Variants in USP45 observed in about 807,000 individuals in gnomAD.
USP45 encodes the protein ubiquitin carboxyl-terminal hydrolase 45.
A neutral mutation model predicts 95.8 loss-of-function variants in USP45; 89 were observed. The ratio of observed to expected loss-of-function variants is 0.93; its 90% CI spans 0.78 to 1.11. USP45 has a LOEUF of 1.11. Among genes scored for constraint, USP45 ranks in the 50% least tolerant of loss-of-function variants. USP45 has a pLI of 0.00. For missense variants in USP45, 898 were observed against 942.5 expected, an observed-to-expected ratio of 0.95 and a Z score of 0.62; for synonymous variants, 281 against 316.2, an observed-to-expected ratio of 0.89 and a Z score of 1.18.
chr6:99,495,161 G>A (rs1796033905), intron 5 of USP45, among the ~76,000 whole-genome samples: 1 of 152,154 alleles, frequency 6.6e-6, no homozygotes, highest in South Asian at 2.1e-4. Flanking sequence ...AAGCTTTCTT[G>A]AGGGCAGTTT....
intron 4 of USP45, among the ~76,000 whole-genome samples, chr6:99,507,192 G>A (rs1035637476): frequency 2.0e-5 from 3 of 152,184 alleles, no homozygotes; most frequent in Non-Finnish European, 2.9e-5. Flanking sequence ...TGGCGACAGA[G>A]TGAGACTCTG....
intron 4 of USP45, among the ~76,000 whole-genome samples, chr6:99,507,083 T>C (rs1412919911): frequency 3.3e-5 from 5 of 152,190 alleles, no homozygotes; most frequent in Non-Finnish European, 5.9e-5. Flanking sequence ...GGCATGCGCC[T>C]GTGGTCCCAG....
At chr6:99,465,338 T>G (rs1428148802) in intron 11 of USP45, among the ~76,000 whole-genome samples, 1 of 152,144 alleles carries the variant, frequency 6.6e-6, no homozygotes, top group African/African-American at 2.4e-5. Flanking sequence ...TGAATGGTGA[T>G]CCAATTGAAT....
intron 13 of USP45, among the ~76,000 whole-genome samples, chr6:99,449,214 T>C (rs1015271961): frequency 2.6e-5 from 4 of 152,150 alleles, no homozygotes; most frequent in African/African-American, 9.7e-5. Flanking sequence ...AATTAAAAGA[T>C]ACAGACTGAA....
At chr6:99,460,958 TTATAA>T (rs1786297855) in intron 13 of USP45, 1 of 985,118 alleles carries the variant, frequency 1.0e-6, no homozygotes, top group Admixed American at 6.1e-5. Context: ...GATTCTGGTC[TTATAA>T]TTGAATTTAA....
intron 8 of USP45, among the ~76,000 whole-genome samples, chr6:99,482,004 A>G (rs148133122): frequency 1.4e-3 from 208 of 152,346 alleles, no homozygotes; most frequent in African/African-American, 4.4e-3. Flanking sequence ...TATATTTAAA[A>G]TATCATGGCA....
chr6:99,508,544 A>C lies in USP45; in HGVS notation c.273+66T>G, dbSNP rs960828375. On this transcript the variant is annotated intron_variant, in intron 3 of 17. Coordinates refer to ENST00000500704, the MANE Select transcript of USP45 (RefSeq NM_001346022.3). ...AACTCCTATGCATGACCAACAGTCC[A>C]ACTCACAATAAGCATTTAAGGAAAA... The C allele has an allele frequency of 2.7e-6, 4 of 1,477,906 alleles. No homozygotes were observed. In the African/African-American group the frequency reaches 5.6e-5, roughly 21 times the overall value. 91.5% of individuals were successfully genotyped at this position (1,477,906 alleles called of 1,614,324 possible).
intron 13 of USP45, among the ~76,000 whole-genome samples, chr6:99,450,223 C>G (rs916835575): frequency 5.3e-5 from 8 of 152,050 alleles, no homozygotes; most frequent in Admixed American, 1.3e-4. Flanking sequence ...AAAAACCCTT[C>G]AAAAAATCAA....
At chr6:99,509,476 T>A (rs1799288320) in intron 2 of USP45, among the ~76,000 whole-genome samples, 1 of 152,044 alleles carries the variant, frequency 6.6e-6, no homozygotes, top group Non-Finnish European at 1.5e-5. Flanking sequence ...ATTAAAAATA[T>A]CCCTTTAAAT....
intron 5 of USP45, among the ~76,000 whole-genome samples, chr6:99,499,717 T>C (rs912035443): frequency 6.6e-6 from 1 of 152,226 alleles, no homozygotes. Flanking sequence ...TTAAGGCTTA[T>C]ATTAGTGCTT....
Position 99,488,793 on chromosome 6 carries a change from CAA to C in USP45, c.504_505del (p.Cys169Ter), listed in dbSNP as rs1010677579. On this transcript the variant is annotated frameshift_variant, in exon 6 of 18. Transcript: ENST00000500704. LOFTEE classifies it high-confidence loss of function. ...TTCATCTGTTTCACATTTTTCTTCA[CAA>C]AGTTTCATGATTCTAGAAAATGCAC... 5 of 1,595,800 alleles carry C rather than the reference CAA, an allele frequency of 3.1e-6. No homozygotes were observed. The highest frequency in any genetic ancestry group is 3.5e-5 in the Admixed American group (2 of 56,570).
chr6:99,461,752 A>C (rs1418855573), intron 13 of USP45: 2 of 984,790 alleles, frequency 2.0e-6, no homozygotes, highest in Non-Finnish European at 2.4e-6. Flanking sequence ...TTGTGCCTCT[A>C]GTATAATTTT....
chr6:99,473,429 C>T (rs1349291617), intron 9 of USP45, among the ~76,000 whole-genome samples: 1 of 151,936 alleles, frequency 6.6e-6, no homozygotes, highest in Non-Finnish European at 1.5e-5. Flanking sequence ...TGTCTGTAAT[C>T]CCAGCTATTC....
At chr6:99,459,729 T>C (rs1376812471) in intron 13 of USP45, among the ~76,000 whole-genome samples, 1 of 152,140 alleles carries the variant, frequency 6.6e-6, no homozygotes, top group Non-Finnish European at 1.5e-5. Context: ...CCCTAATGAT[T>C]AGTGATGCTG....
At chr6:99,453,689 T>A (rs1305812088) in intron 13 of USP45, among the ~76,000 whole-genome samples, 1 of 152,230 alleles carries the variant, frequency 6.6e-6, no homozygotes, top group Non-Finnish European at 1.5e-5. Context: ...CTGGGTACAG[T>A]GGCTCATGCC....
At chr6:99,516,092 C>T (rs562551019), upstream of USP45, among the ~76,000 whole-genome samples, 228 of 152,148 alleles carry the variant, frequency 1.5e-3, 2 homozygotes, top group African/African-American at 5.4e-3. Context: ...CCCACACCCC[C>T]GCCGCCCCCT....
intron 1 of USP45, among the ~76,000 whole-genome samples, chr6:99,511,377 T>C (rs910059295): frequency 5.3e-5 from 8 of 151,866 alleles, no homozygotes; most frequent in African/African-American, 1.9e-4. Flanking sequence ...ATGGTCTCGA[T>C]CTCCTGACCT....
Position 99,433,550 on chromosome 6 carries a change from A to T in USP45, c.*2166T>A, listed in dbSNP as rs769946059. 9 of 152,498 alleles carry T rather than the reference A, an allele frequency of 5.9e-5. No homozygotes were observed. The highest frequency in any genetic ancestry group is 1.0e-4 in the Non-Finnish European group (7 of 68,036). The allele number at this position is 152,498 out of a possible 1,614,324, so 9.4% of individuals were successfully genotyped here. On this transcript the variant is annotated 3_prime_UTR_variant, in exon 18 of 18. Transcript: ENST00000500704. Reference sequence around the variant, plus strand: ...AGCTATCTTTAGGAAATTCTTAAGTATCAAAAATCCAATTTATTCCATTTT... The same window carrying T: ...AGCTATCTTTAGGAAATTCTTAAGTTTCAAAAATCCAATTTATTCCATTTT...
intron 13 of USP45, among the ~76,000 whole-genome samples, chr6:99,454,651 T>G (rs1298704619): frequency 6.6e-6 from 1 of 152,178 alleles, no homozygotes; most frequent in Non-Finnish European, 1.5e-5. Flanking sequence ...AAATGCAGAT[T>G]AAAACCACAA....
Sources: gnomAD v4.1 joint callset for allele counts (sites outside exome capture counted in the v4.1 genomes callset) on GRCh38, gnomAD v4.1.1 for gene constraint, MANE v1.5 for transcripts, NCBI Gene and HGNC (gene_info 2026-07-23, HGNC 2026-07-21) for gene names.